CRADD: variants seen among roughly 807,000 people sequenced by gnomAD.
CRADD encodes the protein CARD and death domain containing adaptor protein.
Under a neutral mutation model 15.5 loss-of-function variants are expected in CRADD, and 9 were observed. The observed-to-expected ratio is 0.58, with a 90% CI of 0.35 to 1.01. The LOEUF (loss-of-function observed/expected upper bound fraction) is 1.01. Among genes scored for constraint, CRADD ranks in the 50% least tolerant of loss-of-function variants. The pLI is 0.02. For missense variants in CRADD, 227 were observed against 250.3 expected (o/e 0.91, Z 0.63); for synonymous variants, 118 against 107.6 (o/e 1.10, Z -0.60).
intron 2 of CRADD, among the ~76,000 whole-genome samples, chr12:93,768,225 A>G (rs1157642702): frequency 6.6e-6 from 1 of 152,272 alleles, no homozygotes; most frequent in Non-Finnish European, 1.5e-5. Flanking sequence ...ACAAATCTCT[A>G]AAACAATTGC....
chr12:93,735,822 CTGATTT>C, intron 2 of CRADD: 1 of 151,972 alleles, frequency 6.6e-6, no homozygotes, highest in Non-Finnish European at 1.5e-5. Flanking sequence ...TAGGTTAAAA[CTGATTT>C]AAAATGAGAA....
At chr12:93,768,810 T>G (rs1450526340) in intron 2 of CRADD, among the ~76,000 whole-genome samples, 1 of 152,158 alleles carries the variant, frequency 6.6e-6, no homozygotes, top group African/African-American at 2.4e-5. Context: ...ATATTCCCAG[T>G]ACCCCCAGAA....
chr12:93,864,631 T>C (rs139180444), intron 2 of CRADD, among the ~76,000 whole-genome samples: 1 of 152,220 alleles, frequency 6.6e-6, no homozygotes, highest in Non-Finnish European at 1.5e-5. Context: ...AATGTAGCTC[T>C]CTGAGGGCCC....
At chr12:93,877,431 A>G (rs1414523788) in intron 2 of CRADD, among the ~76,000 whole-genome samples, 1 of 152,228 alleles carries the variant, frequency 6.6e-6, no homozygotes, top group Non-Finnish European at 1.5e-5. Flanking sequence ...AAAGTCCCCC[A>G]GACACCAGGT....
chr12:93,852,828 TG>T (rs1287193494), downstream of CRADD, among the ~76,000 whole-genome samples: 1 of 115,954 alleles, frequency 8.6e-6, no homozygotes, highest in East Asian at 2.1e-4. Flanking sequence ...CACTTTGGGT[TG>T]GGTTGGAGTG....
chr12:93,873,262 C>A (rs189001134), intron 2 of CRADD, among the ~76,000 whole-genome samples: 1 of 152,000 alleles, frequency 6.6e-6, no homozygotes, highest in African/African-American at 2.4e-5. Flanking sequence ...GATTTTGTAT[C>A]CTGTAACTTT....
Position 93,844,428 on chromosome 12 carries a change from A to G in CRADD, c.299-5542A>G, listed in dbSNP as rs544599143. On this transcript the variant is annotated intron_variant, in intron 2 of 2. Coordinates refer to ENST00000332896, the MANE Select transcript of CRADD (RefSeq NM_003805.5). ...CTGTGATTGCCTCTCTATATGTGCA[A>G]AGATGTCCATTTGGAAAGGCTTGAT... Among the ~76,000 whole-genome samples the G allele has an allele frequency of 5.4e-4, 82 of 152,200 alleles. 1 individual carries two copies. The highest frequency in any genetic ancestry group is 1.9e-3 in the African/African-American group (77 of 41,474).
chr12:93,862,911 T>A (rs1237523267), intron 2 of CRADD, among the ~76,000 whole-genome samples: 2 of 152,206 alleles, frequency 1.3e-5, no homozygotes, highest in Non-Finnish European at 2.9e-5. Context: ...CCAAGATTTT[T>A]AAAAAGGTAT....
intron 2 of CRADD, among the ~76,000 whole-genome samples, chr12:93,728,272 G>T (rs1430077760): frequency 6.6e-6 from 1 of 152,178 alleles, no homozygotes; most frequent in Non-Finnish European, 1.5e-5. Context: ...GCACAGGCAT[G>T]AATAGAGTTG....
chr12:93,891,756 A>G (rs1433901418), intron 2 of CRADD, among the ~76,000 whole-genome samples: 2 of 152,184 alleles, frequency 1.3e-5, no homozygotes, highest in Non-Finnish European at 2.9e-5. Flanking sequence ...GTAAGCTGTC[A>G]TAGCTGAGCT....
intron 2 of CRADD, among the ~76,000 whole-genome samples, chr12:93,831,877 C>T (rs370997271): frequency 6.6e-6 from 1 of 152,220 alleles, no homozygotes; most frequent in South Asian, 2.1e-4. Context: ...GTGAGACAGT[C>T]ATCTTCCTTG....
intron 2 of CRADD, among the ~76,000 whole-genome samples, chr12:93,867,229 C>T (rs1958375155): frequency 6.6e-6 from 1 of 151,884 alleles, no homozygotes; most frequent in Non-Finnish European, 1.5e-5. Context: ...TGTCTTTCCT[C>T]TTTCTGTTTT....
intron 2 of CRADD, among the ~76,000 whole-genome samples, chr12:93,740,946 C>T (rs953069212): frequency 5.3e-5 from 8 of 152,074 alleles, no homozygotes; most frequent in Non-Finnish European, 1.2e-4. Flanking sequence ...TTCTCTGTGG[C>T]CTTTGAGCCA....
chr12:93,677,646 T>C (rs1372778460), intron 1 of CRADD, 174 bp downstream of exon 1: 1 of 152,308 alleles, frequency 6.6e-6, no homozygotes, highest in Non-Finnish European at 1.5e-5. Context: ...GCTCTTTAGT[T>C]CATTCCCAGC....
intron 2 of CRADD, among the ~76,000 whole-genome samples, chr12:93,787,186 T>C (rs1957287775): frequency 6.6e-6 from 1 of 150,586 alleles, no homozygotes; most frequent in African/African-American, 2.5e-5. Context: ...AAGGTGGATT[T>C]GATGTCAGGG....
chr12:93,725,790 G>A (rs540930118), intron 2 of CRADD, among the ~76,000 whole-genome samples: 1 of 152,304 alleles, frequency 6.6e-6, no homozygotes, highest in African/African-American at 2.4e-5. Flanking sequence ...GAAAGTAGGT[G>A]TGTATAGAGT....
At chr12:93,789,954 A>G (rs1030820066) in intron 2 of CRADD, among the ~76,000 whole-genome samples, 4 of 152,154 alleles carry the variant, frequency 2.6e-5, no homozygotes, top group Admixed American at 2.0e-4. Flanking sequence ...ATTTCACAAT[A>G]TGTGAAAGTA....
chr12:93,755,909 T>C (rs1956884786), intron 2 of CRADD, among the ~76,000 whole-genome samples: 1 of 152,228 alleles, frequency 6.6e-6, no homozygotes, highest in African/African-American at 2.4e-5. Flanking sequence ...TTTGCTGCTT[T>C]TTAGGCAGAT....
chr12:93,734,053 C>T (rs1956518861), intron 2 of CRADD, among the ~76,000 whole-genome samples: 1 of 151,712 alleles, frequency 6.6e-6, no homozygotes, highest in Admixed American at 6.6e-5. Context: ...CCTTTTTTCC[C>T]TTCCTCCCTC....
Sources: allele counts gnomAD v4.1 joint callset (sites outside exome capture counted in the v4.1 genomes callset), GRCh38; gene constraint gnomAD v4.1.1; transcripts MANE v1.5; gene names NCBI Gene and HGNC (gene_info 2026-07-23, HGNC 2026-07-21).